Variants in BAZ1A observed in about 807,000 individuals in gnomAD.
The protein encoded by BAZ1A is bromodomain adjacent to zinc finger domain 1A, also known as bromodomain adjacent to zinc finger domain protein 1A.
Under a neutral mutation model 185.2 loss-of-function variants are expected in BAZ1A, and 50 were observed. That is an observed-to-expected ratio of 0.27 (90% confidence interval 0.22 to 0.34). The LOEUF is 0.34. Among genes scored for constraint, BAZ1A ranks in the 10% least tolerant of loss-of-function variants. The pLI is 1.00. For synonymous variants in BAZ1A, 571 were observed against 615.6 expected, an observed-to-expected ratio of 0.93 and a Z score of 1.07; for missense variants, 1,356 against 1,839.9, an observed-to-expected ratio of 0.74 and a Z score of 4.81.
At chr14:34,811,131 A>C in intron 4 of BAZ1A, 95 bp from the exon 5 acceptor site, 2 of 891,794 alleles carry the variant, frequency 2.2e-6, no homozygotes, top group Non-Finnish European at 1.7e-6. Flanking sequence ...CTATAATAAA[A>C]TCACATATTT....
chr14:34,874,873 T>G lies in BAZ1A; in HGVS notation c.-58-211A>C. 3.3e-6 allele frequency: 1 copy of G among 301,974 alleles called. No homozygotes were observed. Among genetic ancestry groups the G allele is most frequent in the Non-Finnish European group, 6.1e-6 (1 of 163,366 alleles). The allele number at this position is 301,974 out of a possible 1,614,324, so 18.7% of individuals were successfully genotyped here. ...TGCCCCCCGAGCGCGCCCTACCTCC[T>G]CTCGTCCTGCCGCCGCCTCACAATG... On this transcript the variant is annotated intron_variant, in intron 1 of 26. Transcript: ENST00000360310. The surrounding 1 kb of genome is among the most constrained non-coding windows in gnomAD (Gnocchi z 4.7).
At chr14:34,854,045 A>C (rs1720620817) in intron 3 of BAZ1A, among the ~76,000 whole-genome samples, 1 of 152,212 alleles carries the variant, frequency 6.6e-6, no homozygotes, top group Admixed American at 6.5e-5. Flanking sequence ...CAATTTAGGC[A>C]AGTTTATATC....
At position 34,816,080 on chromosome 14, in the gene BAZ1A, C is replaced by CTTTTTTTTTTTTTT. The variant is rs35830800; in HGVS notation, c.537-5058_537-5045dup. Among the ~76,000 whole-genome samples, 9 of 79,420 alleles carry CTTTTTTTTTTTTTT rather than the reference C, an allele frequency of 1.1e-4. 1 individual carries two copies. The highest frequency in any genetic ancestry group is 0.017 in the Middle Eastern group (1 of 60). The allele number at this position is 79,420 out of a possible 152,430, so 52.1% of individuals were successfully genotyped here. ...AAGCTACATACATATTATTCCAGAC[C>CTTTTTTTTTTTTTT]TTTTTTTTTTTTTTTTTTTTTTTTT... On this transcript the variant is annotated intron_variant, in intron 4 of 26. Coordinates refer to ENST00000360310, the MANE Select transcript of BAZ1A (RefSeq NM_013448.3).
At chr14:34,780,115 C>T in intron 17 of BAZ1A, 71 bp downstream of exon 17, 1 of 1,564,044 alleles carries the variant, frequency 6.4e-7, no homozygotes, top group Non-Finnish European at 8.7e-7. Flanking sequence ...TTCAGAGGAG[C>T]TGAATTAATA....
intron 8 of BAZ1A, 52 bp from the exon 9 acceptor site, chr14:34,800,442 G>T (rs563567619): frequency 1.5e-6 from 2 of 1,362,518 alleles, no homozygotes; most frequent in South Asian, 3.0e-5. Context: ...AATAACACTT[G>T]GCAATTTTTT....
rs369132987 is a variant in BAZ1A at position 34,776,482 on chromosome 14, G to A, written c.2270C>T (p.Thr757Ile). ...TACACAGTTGATCTGTTCTTGCCTTGTAAATTCTTTAAATCCATTTTGTCC... is the reference window on the plus strand; with the variant it reads ...TACACAGTTGATCTGTTCTTGCCTTATAAATTCTTTAAATCCATTTTGTCC... ...KRGQNGFKEF[T>I]RQEQINCVTR... Residue 757 changes from threonine (T) to isoleucine (I), a missense_variant, in exon 18 of 27, where the codon ACA (threonine) becomes ATA (isoleucine). This residue lies in a region of BAZ1A where 434 missense variants were observed against 561.7 expected (regional missense o/e 0.77). Coordinates refer to ENST00000360310, the MANE Select transcript of BAZ1A (RefSeq NM_013448.3). 1.3e-6 allele frequency: 2 copies of A among 1,593,886 alleles called. No individual in the cohort carries two copies. Among genetic ancestry groups the A allele is most frequent in the Non-Finnish European group, 1.7e-6 (2 of 1,173,694 alleles).
intron 3 of BAZ1A, among the ~76,000 whole-genome samples, chr14:34,850,417 A>G (rs1053478009): frequency 1.3e-5 from 2 of 152,212 alleles, no homozygotes; most frequent in African/African-American, 4.8e-5. Flanking sequence ...AGAGGATCCC[A>G]AAACAACTTG....
intron 4 of BAZ1A, among the ~76,000 whole-genome samples, chr14:34,824,403 C>CAAAAA (rs2042133433): frequency 3.9e-5 from 1 of 25,380 alleles, no homozygotes; most frequent in Non-Finnish European, 8.0e-5. Context: ...AAAAAAGCAG[C>CAAAAA]AACTCAAAAA....
chr14:34,854,405 G>C (rs1310718030), intron 3 of BAZ1A, among the ~76,000 whole-genome samples: 4 of 152,092 alleles, frequency 2.6e-5, no homozygotes, highest in Non-Finnish European at 5.9e-5. Context: ...CTGGGCGACA[G>C]AGTGAGACTC....
At chr14:34,787,660 G>T (rs1405386727) in intron 12 of BAZ1A, among the ~76,000 whole-genome samples, 3 of 152,110 alleles carry the variant, frequency 2.0e-5, no homozygotes, top group African/African-American at 7.2e-5. Context: ...TCCAGCCTGG[G>T]CGACAGAGTT....
chr14:34,784,873 T>C (rs1880330699), intron 14 of BAZ1A, among the ~76,000 whole-genome samples: 1 of 152,008 alleles, frequency 6.6e-6, no homozygotes, highest in East Asian at 1.9e-4. Flanking sequence ...TTTTACTTAT[T>C]TGAGACGGAG....
At chr14:34,858,043 A>T (rs2042709625) in intron 3 of BAZ1A, among the ~76,000 whole-genome samples, 1 of 152,248 alleles carries the variant, frequency 6.6e-6, no homozygotes, top group South Asian at 2.1e-4. Flanking sequence ...AAGTGCTAGC[A>T]ATACAGCGAA....
chr14:34,787,491 C>A (rs1045475612), intron 12 of BAZ1A, among the ~76,000 whole-genome samples: 1 of 151,028 alleles, frequency 6.6e-6, no homozygotes, highest in Non-Finnish European at 1.5e-5. Flanking sequence ...TGAGACCAAC[C>A]TGGCCAACAT....
intron 4 of BAZ1A, among the ~76,000 whole-genome samples, chr14:34,821,322 A>G (rs2042085888): frequency 6.6e-6 from 1 of 152,228 alleles, no homozygotes; most frequent in African/African-American, 2.4e-5. Flanking sequence ...AAACAAAACA[A>G]TTTATGTGAG....
intron 11 of BAZ1A, 126 bp downstream of exon 11, chr14:34,794,623 A>C: frequency 1.1e-6 from 1 of 927,854 alleles, no homozygotes; most frequent in South Asian, 1.8e-5. Context: ...CATTTTGAAC[A>C]TCTAGCCAGA....
intron 14 of BAZ1A, among the ~76,000 whole-genome samples, chr14:34,784,468 G>C (rs1051879624): frequency 2.0e-5 from 3 of 149,116 alleles, no homozygotes; most frequent in African/African-American, 7.5e-5. Flanking sequence ...TACTAGTTAA[G>C]TAAACATGAG....
At position 34,758,650 on chromosome 14, in the gene BAZ1A, G is replaced by A. The variant is rs371262941; in HGVS notation, c.4386+54C>T. Reference sequence around the variant, plus strand: ...GTTTTGACTACTTCAAAGTTATCACGTGGACTAAATCAGATAATATACAGG... The same window carrying A: ...GTTTTGACTACTTCAAAGTTATCACATGGACTAAATCAGATAATATACAGG... On this transcript the variant is annotated intron_variant, in intron 25 of 26. Coordinates refer to ENST00000360310, the MANE Select transcript of BAZ1A (RefSeq NM_013448.3). 64 of 1,559,222 alleles carry A rather than the reference G, an allele frequency of 4.1e-5. No homozygotes were observed. The South Asian group carries it at 6.1e-4, about 15-fold the overall frequency.
chr14:34,838,887 A>AATAT (rs1377412966), intron 3 of BAZ1A, among the ~76,000 whole-genome samples: 1 of 152,166 alleles, frequency 6.6e-6, no homozygotes, highest in African/African-American at 2.4e-5. Context: ...GTTTAATTTT[A>AATAT]AAATACTGAT....
chr14:34,758,632 C>T, intron 25 of BAZ1A, 72 bp downstream of exon 25: 1 of 1,458,308 alleles, frequency 6.9e-7, no homozygotes, highest in Non-Finnish European at 9.4e-7. Context: ...GGTGTTTTGA[C>T]TACTTCAAAG....
Sources: allele counts gnomAD v4.1 joint callset (sites outside exome capture counted in the v4.1 genomes callset), GRCh38; gene constraint gnomAD v4.1.1; regional missense constraint gnomAD v4.1.1; non-coding constraint Gnocchi (gnomAD v3.1); transcripts MANE v1.5; gene names NCBI Gene and HGNC (gene_info 2026-07-23, HGNC 2026-07-21).